The following ABCB7 variants were observed in gnomAD, a reference collection of about 807,000 sequenced individuals.
ABCB7 encodes ATP binding cassette subfamily B member 7.
In ABCB7, 7 loss-of-function variants were observed where a neutral mutation model predicts 54.4. The observed-to-expected ratio is 0.13, with a 90% CI of 0.07 to 0.24. The LOEUF is 0.24. Among genes scored for constraint, ABCB7 ranks in the 10% least tolerant of loss-of-function variants. The probability of loss-of-function intolerance (pLI) is 1.00; values close to 1 mark genes in which losing one functional copy is unlikely to be tolerated. For missense variants in ABCB7, 356 were observed against 570.4 expected (o/e 0.62, Z 3.83); for synonymous variants, 218 against 207.1 (o/e 1.05, Z -0.45).
chrX:75,081,956 A>T (rs1377119245), intron 4 of ABCB7, among the ~76,000 whole-genome samples: 3 of 111,126 alleles, frequency 2.7e-5, no homozygotes, highest in Non-Finnish European at 5.7e-5. Context: ...TCAGGGACCT[A>T]TGGAGCTGTA....
At chrX:75,148,614 T>C (rs1401418299) in intron 1 of ABCB7, among the ~76,000 whole-genome samples, 1 of 111,006 alleles carries the variant, frequency 9.0e-6, no homozygotes, top group Non-Finnish European at 1.9e-5. Context: ...TTCAATGAGG[T>C]CATTAAGGTG....
chrX:75,066,702 T>G (rs1304161351), intron 12 of ABCB7, among the ~76,000 whole-genome samples: 1 of 111,409 alleles, frequency 9.0e-6, no homozygotes, highest in Non-Finnish European at 1.9e-5. Context: ...ATAATCCATA[T>G]TCCCATCATG....
At chrX:75,064,065 A>AAT (rs2081300392) in intron 13 of ABCB7, among the ~76,000 whole-genome samples, 1 of 111,452 alleles carries the variant, frequency 9.0e-6, no homozygotes, top group Non-Finnish European at 1.9e-5. Context: ...ATAAAGTGTA[A>AAT]ATGTGGACTG....
At position 75,071,495 on chromosome X, in the gene ABCB7, C is replaced by T. The variant is rs1430015660; in HGVS notation, c.1207+14G>A. The T allele has an allele frequency of 1.7e-6, 2 of 1,207,519 alleles. No homozygotes were observed. Among genetic ancestry groups the T allele is most frequent in the African/African-American group, 3.5e-5 (2 of 56,837 alleles). ...TTGAACAGCCTGTAAATGTGATAGC[C>T]ACAGACTCATTACCTGCCACAATTC... On this transcript the variant is annotated intron_variant, in intron 9 of 15. Coordinates refer to ENST00000373394, the MANE Select transcript of ABCB7 (RefSeq NM_001271696.3).
chrX:75,091,597 T>C (rs1010462894), intron 4 of ABCB7, among the ~76,000 whole-genome samples: 10 of 109,569 alleles, frequency 9.1e-5, no homozygotes, highest in African/African-American at 3.0e-4. Flanking sequence ...GAAAAGGAAA[T>C]AAAGGTATTC....
intron 3 of ABCB7, among the ~76,000 whole-genome samples, chrX:75,102,590 T>C (rs1054401151): frequency 7.1e-5 from 8 of 112,017 alleles, no homozygotes; most frequent in Non-Finnish European, 1.1e-4. Flanking sequence ...ATATCAGCTA[T>C]TGTGAAACGT....
intron 2 of ABCB7, among the ~76,000 whole-genome samples, chrX:75,113,741 T>C (rs906289224): frequency 6.3e-5 from 7 of 111,761 alleles, no homozygotes; most frequent in African/African-American, 1.3e-4. Context: ...ATACATAGCA[T>C]AGCAATATCA....
chrX:75,155,477 G>C (rs1177531046), intron 1 of ABCB7, among the ~76,000 whole-genome samples: 5 of 112,215 alleles, frequency 4.5e-5, no homozygotes, highest in African/African-American at 1.6e-4. Context: ...ATAAGTTAAG[G>C]ATAAGTAGCC....
intron 15 of ABCB7, among the ~76,000 whole-genome samples, chrX:75,058,470 G>A (rs906158521): frequency 2.9e-4 from 32 of 111,730 alleles, no homozygotes; most frequent in Admixed American, 1.2e-3. Flanking sequence ...TAGATATGCC[G>A]TCTTAACATT....
chrX:75,081,420 A>C (rs1272147610), intron 4 of ABCB7, among the ~76,000 whole-genome samples: 2 of 111,836 alleles, frequency 1.8e-5, no homozygotes, highest in African/African-American at 6.5e-5. Context: ...ACATATAAAA[A>C]CTCAAGGGAT....
intron 1 of ABCB7, among the ~76,000 whole-genome samples, chrX:75,150,897 CTA>C (rs1341453269): frequency 9.0e-6 from 1 of 110,970 alleles, no homozygotes; most frequent in Non-Finnish European, 1.9e-5. Flanking sequence ...AGTTTCCACT[CTA>C]TTTCTACCCC....
chrX:75,069,659 G>T (rs2081348413), intron 10 of ABCB7, among the ~76,000 whole-genome samples: 1 of 110,299 alleles, frequency 9.1e-6, no homozygotes, highest in Non-Finnish European at 1.9e-5. Flanking sequence ...GAATGTTTTG[G>T]TTTCTGAGCA....
At chrX:75,148,069 T>C (rs2082104973) in intron 1 of ABCB7, among the ~76,000 whole-genome samples, 1 of 111,538 alleles carries the variant, frequency 9.0e-6, no homozygotes, top group African/African-American at 3.3e-5. Context: ...TGAGCCAAGA[T>C]TGTGCCACTG....
At chrX:75,059,366 G>C (rs2081264817) in intron 15 of ABCB7, among the ~76,000 whole-genome samples, 1 of 109,752 alleles carries the variant, frequency 9.1e-6, no homozygotes, top group Admixed American at 9.8e-5. Flanking sequence ...AGCTACTTGG[G>C]GGGCTGAGGT....
intron 3 of ABCB7, among the ~76,000 whole-genome samples, chrX:75,109,562 C>A (rs1027548900): frequency 1.8e-5 from 2 of 111,373 alleles, no homozygotes; most frequent in African/African-American, 6.5e-5. Flanking sequence ...TCTAAGAATT[C>A]TGGTTTTACA....
intron 4 of ABCB7, among the ~76,000 whole-genome samples, chrX:75,098,567 T>G (rs2081612231): frequency 9.0e-6 from 1 of 110,963 alleles, no homozygotes; most frequent in African/African-American, 3.3e-5. Flanking sequence ...GTTCCTAAAA[T>G]GGCTTCATCC....
At chrX:75,104,342 C>T (rs975732682) in intron 3 of ABCB7, among the ~76,000 whole-genome samples, 2 of 108,104 alleles carry the variant, frequency 1.9e-5, no homozygotes, top group East Asian at 5.8e-4. Flanking sequence ...TACGTGTAAT[C>T]AGAAATGGAA....
intron 1 of ABCB7, among the ~76,000 whole-genome samples, chrX:75,146,177 T>C (rs745579578): frequency 1.8e-5 from 2 of 110,966 alleles, no homozygotes; most frequent in South Asian, 7.7e-4. Context: ...CACAAACAAA[T>C]GGAAAAACAT....
At chrX:75,062,461 G>A (rs1227255737) in intron 13 of ABCB7, 30 bp from the exon 14 acceptor site, 1 of 1,040,067 alleles carries the variant, frequency 9.6e-7, no homozygotes, top group Non-Finnish European at 1.3e-6. Context: ...CTTTAAGGAA[G>A]CATAGTGCAT....
Sources: allele counts gnomAD v4.1 joint callset (sites outside exome capture counted in the v4.1 genomes callset), GRCh38; gene constraint gnomAD v4.1.1; transcripts MANE v1.5; gene names NCBI Gene and HGNC (gene_info 2026-07-23, HGNC 2026-07-21).